Variants in DGKK observed in about 807,000 individuals in gnomAD.
The protein encoded by DGKK is 142 kDa diacylglycerol kinase.
DGKK carries 35 observed loss-of-function variants against 92.2 expected under a neutral mutation model. The ratio of observed to expected loss-of-function variants is 0.38; its 90% CI spans 0.29 to 0.50. The LOEUF is 0.50. Among genes scored for constraint, DGKK ranks in the 20% least tolerant of loss-of-function variants. The pLI, the probability that DGKK is intolerant of heterozygous loss-of-function variation, is 0.92. For missense variants in DGKK, 910 were observed against 992.2 expected, an observed-to-expected ratio of 0.92 and a Z score of 1.11; for synonymous variants, 368 against 360.6, an observed-to-expected ratio of 1.02 and a Z score of -0.23.
chrX:50,377,042 G>T, intron 22 of DGKK, 124 bp from the exon 23 acceptor site: 1 of 617,846 alleles, frequency 1.6e-6, no homozygotes, highest in Non-Finnish European at 2.4e-6. Flanking sequence ...AGAGGGGAAG[G>T]AGGGCCCCCT....
intron 1 of DGKK, among the ~76,000 whole-genome samples, chrX:50,431,239 A>G (rs1313424666): frequency 9.0e-6 from 1 of 111,215 alleles, no homozygotes; most frequent in Non-Finnish European, 1.9e-5. Context: ...TATGTTGCCC[A>G]GGCTGGTCTT....
intron 14 of DGKK, among the ~76,000 whole-genome samples, 164 bp downstream of exon 14, chrX:50,387,390 G>A (rs1036141884): frequency 9.0e-6 from 1 of 111,542 alleles, no homozygotes; most frequent in Non-Finnish European, 1.9e-5. Flanking sequence ...TTTAGCAAAA[G>A]ATGGAAGTTC....
At chrX:50,433,446 A>G (rs782559460) in intron 1 of DGKK, among the ~76,000 whole-genome samples, 1 of 111,684 alleles carries the variant, frequency 9.0e-6, no homozygotes, top group South Asian at 3.8e-4. Context: ...AACTGCAGCC[A>G]TTGAGATTTC....
At chrX:50,379,534 C>T in intron 20 of DGKK, 93 bp downstream of exon 20, 1 of 735,924 alleles carries the variant, frequency 1.4e-6, no homozygotes, top group Non-Finnish European at 2.1e-6. Context: ...CTCCCATTGT[C>T]TATTTTTCAC....
intron 26 of DGKK, 74 bp downstream of exon 26, chrX:50,371,650 G>A (rs1924131680): frequency 1.3e-6 from 1 of 771,345 alleles, no homozygotes; most frequent in Non-Finnish European, 1.9e-6. Context: ...CCATGTCCTG[G>A]CCCACACTGG....
intron 1 of DGKK, among the ~76,000 whole-genome samples, chrX:50,454,714 T>A (rs782205286): frequency 9.0e-6 from 1 of 111,336 alleles, no homozygotes; most frequent in Non-Finnish European, 1.9e-5. Flanking sequence ...TGATCTCAAG[T>A]CCATCAGGAA....
chrX:50,373,522 G>A (rs1557223500), intron 25 of DGKK, among the ~76,000 whole-genome samples: 1 of 112,139 alleles, frequency 8.9e-6, no homozygotes, highest in African/African-American at 3.2e-5. Flanking sequence ...CTGCCCAAAT[G>A]GGCAAGGCTA....
In DGKK at chrX:50,366,677, C is replaced by G. The variant is rs1007382419; in HGVS notation, c.*2263G>C. On this transcript the variant is annotated 3_prime_UTR_variant, in exon 28 of 28. Transcript: ENST00000611977. ...TTCCTTCTGTAGTCCTAAATTTGCT[C>G]ATTTGGACATTTTCCCCTTCGGAAA... is the stretch of plus-strand genomic sequence containing the variant. The G allele has an allele frequency of 8.9e-6, 1 of 112,108 alleles. No homozygotes were observed. The highest frequency in any genetic ancestry group is 3.2e-5 in the African/African-American group (1 of 30,852). 9.2% of individuals were successfully genotyped at this position (112,108 alleles called of 1,213,427 possible). A position where few individuals can be genotyped will look rare whatever the true frequency, so the allele number is the denominator to read the frequency against.
chrX:50,465,042 G>T (rs1280217059), intron 1 of DGKK, among the ~76,000 whole-genome samples: 1 of 111,710 alleles, frequency 9.0e-6, no homozygotes, highest in Non-Finnish European at 1.9e-5. Flanking sequence ...TGATGAGGTT[G>T]GGGGACCTTC....
In DGKK at chrX:50,378,595, G is replaced by C. The variant is rs1257278868; in HGVS notation, c.2959C>G (p.His987Asp). The change falls in exon 21 of 28, where the codon CAT (histidine) becomes GAT (aspartate). Residue 987 changes from histidine (H) to aspartate (D), a missense_variant. Physicochemically the swap from His to Asp is moderately conservative, Grantham distance 81 (BLOSUM62 -1). Coordinates refer to ENST00000611977, the MANE Select transcript of DGKK (RefSeq NM_001013742.4). ...MAMSRIINLH[H>D]HRIAQCHEVM... Reference sequence around the variant, plus strand: ...CTGCCTACCTGGGCAATGCGATGATGATGCAGGTTGATGATACGGGACATT... The same window carrying C: ...CTGCCTACCTGGGCAATGCGATGATCATGCAGGTTGATGATACGGGACATT... The C allele has an allele frequency of 8.3e-7, 1 of 1,205,149 alleles. No homozygotes were observed. The highest frequency in any genetic ancestry group is 1.1e-6 in the Non-Finnish European group (1 of 892,542).
At chrX:50,462,852 T>C (rs1926782715) in intron 1 of DGKK, among the ~76,000 whole-genome samples, 1 of 99,837 alleles carries the variant, frequency 1.0e-5, no homozygotes, top group Non-Finnish European at 2.0e-5. Context: ...GAGACATCTC[T>C]CCTGGAAAGA....
intron 1 of DGKK, among the ~76,000 whole-genome samples, chrX:50,426,979 C>T (rs181450502): frequency 1.5e-4 from 17 of 111,698 alleles, no homozygotes; most frequent in Middle Eastern, 9.2e-3. Flanking sequence ...ACCACATGAT[C>T]TAAAAATTGA....
At chrX:50,415,722 A>G (rs1392389099) in intron 4 of DGKK, among the ~76,000 whole-genome samples, 2 of 111,531 alleles carry the variant, frequency 1.8e-5, no homozygotes, top group East Asian at 5.7e-4. Flanking sequence ...CCCTTTTAGA[A>G]TGAGAATGTC....
chrX:50,376,067 T>C lies in DGKK; in HGVS notation c.3371A>G (p.Asp1124Gly). The change falls in exon 24 of 28, where the codon GAC becomes GGC. Residue 1124 changes from aspartate (D) to glycine (G), a missense_variant. Coordinates refer to ENST00000611977, the MANE Select transcript of DGKK (RefSeq NM_001013742.4). ...AGCTGCACCCATCTCATTGCCACTG[T>C]CTTGGCCGTAAAATATATCATTCAG... Reference protein sequence around the residue: ...NILNDIFYGQDSGNEMGAASC... With the variant: ...NILNDIFYGQGSGNEMGAASC... 8.3e-7 allele frequency: 1 copy of C among 1,211,232 alleles called. No individual in the cohort carries two copies. Among genetic ancestry groups the C allele is most frequent in the Non-Finnish European group, 1.1e-6 (1 of 895,106 alleles).
intron 13 of DGKK, 63 bp downstream of exon 13, chrX:50,388,464 A>G: frequency 1.1e-6 from 1 of 887,113 alleles, no homozygotes; most frequent in African/African-American, 2.0e-5. Flanking sequence ...CTCAGCTATC[A>G]AAATGAGCCC....
chrX:50,371,841 C>G lies in DGKK; in HGVS notation c.3502-7G>C. 8.7e-7 allele frequency: 1 copy of G among 1,146,268 alleles called. No individual in the cohort carries two copies. Among genetic ancestry groups the G allele is most frequent in the East Asian group, 3.0e-5 (1 of 33,271 alleles). The allele number at this position is 1,146,268 out of a possible 1,213,427, so 94.5% of individuals were successfully genotyped here. On this transcript the variant is annotated splice_polypyrimidine_tract_variant and splice_region_variant and intron_variant, in intron 25 of 27. Transcript: ENST00000611977. Reference sequence around the variant, plus strand: ...CATCCTCAGCACTTCTCAGCTGGTACAGACAGGAAAAAGAGTAAGTGTCCA... The same window carrying G: ...CATCCTCAGCACTTCTCAGCTGGTAGAGACAGGAAAAAGAGTAAGTGTCCA...
intron 1 of DGKK, among the ~76,000 whole-genome samples, chrX:50,466,971 C>A (rs1569545299): frequency 2.7e-5 from 3 of 111,873 alleles, no homozygotes; most frequent in Admixed American, 9.4e-5. Flanking sequence ...CTCAGATTTT[C>A]ATCAATCATT....
intron 1 of DGKK, among the ~76,000 whole-genome samples, chrX:50,455,897 C>A (rs1174955856): frequency 9.0e-6 from 1 of 111,663 alleles, no homozygotes; most frequent in African/African-American, 3.3e-5. Context: ...TCATAATATA[C>A]CAATTTTGTC....
At chrX:50,438,362 AGTT>A (rs1189139906) in intron 1 of DGKK, among the ~76,000 whole-genome samples, 1 of 111,887 alleles carries the variant, frequency 8.9e-6, no homozygotes, top group East Asian at 2.8e-4. Flanking sequence ...TATGTGAGGT[AGTT>A]ATTATCATCC....
Sources: allele counts gnomAD v4.1 joint callset (sites outside exome capture counted in the v4.1 genomes callset), GRCh38; gene constraint gnomAD v4.1.1; transcripts MANE v1.5; gene names NCBI Gene and HGNC (gene_info 2026-07-23, HGNC 2026-07-21).